DAB1: variants seen among roughly 807,000 people sequenced by gnomAD.
DAB1 encodes disabled homolog 1.
Under a neutral mutation model 64.6 loss-of-function variants are expected in DAB1, and 15 were observed. The ratio of observed to expected loss-of-function variants is 0.23; its 90% CI spans 0.16 to 0.36. DAB1 has a LOEUF of 0.36. Among genes scored for constraint, DAB1 ranks in the 10% least tolerant of loss-of-function variants. The pLI is 1.00. For missense variants in DAB1, 596 were observed against 706.7 expected (o/e 0.84, Z 1.78); for synonymous variants, 235 against 251.9 (o/e 0.93, Z 0.64).
intron 3 of DAB1, among the ~76,000 whole-genome samples, chr1:58,348,505 T>A (rs1644022203): frequency 6.6e-6 from 1 of 152,174 alleles, no homozygotes; most frequent in African/African-American, 2.4e-5. Context: ...AAGACTCAAA[T>A]TTGCTTGTAA....
At chr1:57,099,139 C>T (rs1654441040) in intron 4 of DAB1, among the ~76,000 whole-genome samples, 1 of 152,124 alleles carries the variant, frequency 6.6e-6, no homozygotes, top group African/African-American at 2.4e-5. Flanking sequence ...CTACTGGGGA[C>T]CTCATAAGAG....
intron 1 of DAB1, among the ~76,000 whole-genome samples, chr1:57,391,585 T>G (rs774026397): frequency 6.6e-6 from 1 of 152,086 alleles, no homozygotes; most frequent in Non-Finnish European, 1.5e-5. Context: ...CAACCAACAT[T>G]TACTGAACAT....
At chr1:57,225,752 C>T (rs907877387) in intron 2 of DAB1, among the ~76,000 whole-genome samples, 2 of 152,162 alleles carry the variant, frequency 1.3e-5, no homozygotes, top group Admixed American at 6.6e-5. Context: ...TGTAAATCAA[C>T]CCTCTATGAA....
intron 5 of DAB1, among the ~76,000 whole-genome samples, chr1:58,105,959 C>G (rs888266206): frequency 9.2e-5 from 14 of 152,184 alleles, no homozygotes; most frequent in African/African-American, 3.4e-4. Context: ...ACTGGGAATA[C>G]AGAAATGGCT....
intron 1 of DAB1, chr1:57,878,530 G>A (rs571277224): frequency 2.0e-5 from 3 of 152,172 alleles, no homozygotes; most frequent in Admixed American, 6.5e-5. Context: ...GACTATGTCT[G>A]TTTCACTTTT....
chr1:58,219,954 A>G lies in DAB1; in HGVS notation n.310-69366T>C, dbSNP rs1659071225. Among the ~76,000 whole-genome samples the G allele has an allele frequency of 1.3e-5, 2 of 152,238 alleles. 1 individual carries two copies. The highest frequency in any genetic ancestry group is 4.1e-4 in the South Asian group (2 of 4,838). Reference sequence around the variant, plus strand: ...CGTACAGCCAATACATTTTTGTTGAATGAAGGCATAAATGATCCTCAGTTT... The same window carrying G: ...CGTACAGCCAATACATTTTTGTTGAGTGAAGGCATAAATGATCCTCAGTTT... On this transcript the variant is annotated intron_variant and non_coding_transcript_variant, in intron 4 of 20. Transcript: ENST00000485760.
At chr1:58,443,865 T>C (rs541166809) in intron 3 of DAB1, among the ~76,000 whole-genome samples, 1 of 152,228 alleles carries the variant, frequency 6.6e-6, no homozygotes, top group Non-Finnish European at 1.5e-5. Flanking sequence ...TAAATAATAG[T>C]TCATCCTAAA....
intron 3 of DAB1, among the ~76,000 whole-genome samples, chr1:58,416,646 T>C (rs1644724198): frequency 6.6e-6 from 1 of 152,238 alleles, no homozygotes; most frequent in Admixed American, 6.5e-5. Flanking sequence ...CTTCCAAGTA[T>C]TTACAATTTG....
chr1:57,464,651 T>A (rs1686896786), intron 7 of DAB1, among the ~76,000 whole-genome samples: 1 of 152,118 alleles, frequency 6.6e-6, no homozygotes, highest in Non-Finnish European at 1.5e-5. Flanking sequence ...AAAGGTATAT[T>A]AAACACTTCA....
rs947670483 is a variant in DAB1 at position 57,227,993 on chromosome 1, G to A, written c.67+62971C>T. Among the ~76,000 whole-genome samples the A allele has an allele frequency of 4.6e-5, 7 of 152,286 alleles. No homozygotes were observed. The South Asian group carries it at 8.3e-4, about 18-fold the overall frequency. On this transcript the variant is annotated intron_variant, in intron 2 of 14. Transcript: ENST00000371236. The stretch of plus-strand genomic sequence containing the variant: ...TTAGAGGCATTAGTTATGGTCTGCC[G>A]TGTAACCTGAAATAGATGCAGCCAT...
intron 9 of DAB1, among the ~76,000 whole-genome samples, chr1:57,057,315 C>T (rs1256613530): frequency 6.6e-6 from 1 of 151,966 alleles, no homozygotes; most frequent in Non-Finnish European, 1.5e-5. Flanking sequence ...TGCATAGAAC[C>T]CCTCTTTTTG....
chr1:57,007,297 T>C (rs182357447), intron 14 of DAB1, among the ~76,000 whole-genome samples: 1 of 152,366 alleles, frequency 6.6e-6, no homozygotes, highest in Admixed American at 6.5e-5. Context: ...ATAGGCAGTT[T>C]ATTTACTTAG....
intron 1 of DAB1, among the ~76,000 whole-genome samples, chr1:58,536,118 A>T (rs1163172731): frequency 2.6e-5 from 4 of 152,218 alleles, no homozygotes; most frequent in Non-Finnish European, 5.9e-5. Context: ...ATGCAGAGAA[A>T]AAAAGCCTAG....
chr1:57,025,985 G>C lies in DAB1; in HGVS notation c.782C>G (p.Pro261Arg). The change falls in exon 10 of 15, where the codon CCC becomes CGC. Residue 261 changes from proline (P) to arginine (R), a missense_variant. Around this residue, in one of 3 missense-constraint regions of DAB1, gnomAD observed 377 missense variants for 400.4 expected, o/e 0.94. Coordinates refer to ENST00000371236, the MANE Select transcript of DAB1 (RefSeq NM_001365792.1). Reference sequence around the variant, plus strand: ...CAGAGAGCAATGCATACTTACGGGGGGAGAGGTTATATCAGGGGGTGTGGA... The same window carrying C: ...CAGAGAGCAATGCATACTTACGGGGCGAGAGGTTATATCAGGGGGTGTGGA... Reference protein sequence around the residue: ...DMSTPPDITSPPTPATPGDAF... With the variant: ...DMSTPPDITSRPTPATPGDAF... 1 of 1,581,138 alleles carries C rather than the reference G, an allele frequency of 6.3e-7. No individual in the cohort carries two copies. Among genetic ancestry groups the C allele is most frequent in the Non-Finnish European group, 8.6e-7 (1 of 1,166,474 alleles).
intron 2 of DAB1, among the ~76,000 whole-genome samples, chr1:57,272,939 C>T (rs1671128528): frequency 6.6e-6 from 1 of 152,156 alleles, no homozygotes; most frequent in Non-Finnish European, 1.5e-5. Flanking sequence ...ACCAGGGCTT[C>T]CCTCTTGGGC....
chr1:57,859,773 T>C (rs1277384427), intron 1 of DAB1, among the ~76,000 whole-genome samples: 1 of 152,100 alleles, frequency 6.6e-6, no homozygotes, highest in African/African-American at 2.4e-5. Context: ...AGGGAAAAAA[T>C]AAGCGAGTGA....
Position 57,071,079 on chromosome 1 carries a change from G to A in DAB1, c.559-18C>T. 6.2e-7 allele frequency: 1 copy of A among 1,609,108 alleles called. No individual in the cohort carries two copies. The highest frequency in any genetic ancestry group is 8.5e-7 in the Non-Finnish European group (1 of 1,175,652). ...AATATTGTCTATTGCAGAGTAAGGAGAGGGAGGGTGAAAAGCAGAGGACAT... is the reference window on the plus strand; with the variant it reads ...AATATTGTCTATTGCAGAGTAAGGAAAGGGAGGGTGAAAAGCAGAGGACAT... On this transcript the variant is annotated intron_variant, in intron 6 of 14. Transcript: ENST00000371236.
intron 2 of DAB1, among the ~76,000 whole-genome samples, chr1:57,225,498 C>A (rs197623): frequency 0.12 from 18,656 of 152,180 alleles, 2,732 homozygotes; most frequent in African/African-American, 0.35. Context: ...AAAGACACAG[C>A]ATACATCACA....
intron 2 of DAB1, among the ~76,000 whole-genome samples, chr1:57,202,308 G>A (rs747869131): frequency 2.0e-5 from 3 of 152,134 alleles, no homozygotes; most frequent in Non-Finnish European, 2.9e-5. Flanking sequence ...GGGTCAGGCT[G>A]GATTCCTTTG....
Sources: allele counts gnomAD v4.1 joint callset (sites outside exome capture counted in the v4.1 genomes callset), GRCh38; gene constraint gnomAD v4.1.1; regional missense constraint gnomAD v4.1.1; transcripts MANE v1.5; gene names NCBI Gene and HGNC (gene_info 2026-07-23, HGNC 2026-07-21).